SDC3: variants seen among roughly 807,000 people sequenced by gnomAD.
The protein encoded by SDC3 is syndecan 3.
In SDC3, 13 loss-of-function variants were observed where a neutral mutation model predicts 24.4. The observed-to-expected ratio is 0.53, with a 90% CI of 0.35 to 0.85. The LOEUF (loss-of-function observed/expected upper bound fraction) is 0.85, where lower values mean the gene tolerates loss of function less well. SDC3 is among the 40% of genes least tolerant of loss of function. The pLI, the probability that SDC3 is intolerant of heterozygous loss-of-function variation, is 0.01. For missense variants in SDC3, 571 were observed against 584.5 expected (o/e 0.98, Z 0.24); for synonymous variants, 295 against 260.9 (o/e 1.13, Z -1.26).
intron 2 of SDC3, chr1:30,878,132 A>G: frequency 6.5e-6 from 1 of 154,110 alleles, no homozygotes; most frequent in Non-Finnish European, 1.4e-5. Context: ...GAGGGGGAGC[A>G]CCGAGGGGCA....
chr1:30,905,381 ACAC>A (rs1408100867), intron 1 of SDC3, among the ~76,000 whole-genome samples: 1 of 133,242 alleles, frequency 7.5e-6, no homozygotes, highest in Non-Finnish European at 1.6e-5. Context: ...ACACACACAC[ACAC>A]ACACGTCTCC....
chr1:30,899,187 A>G (rs1166497416), intron 1 of SDC3, among the ~76,000 whole-genome samples: 1 of 152,194 alleles, frequency 6.6e-6, no homozygotes, highest in Non-Finnish European at 1.5e-5. Flanking sequence ...CCCAGGATCA[A>G]GCAATTCTCC....
chr1:30,878,378 T>C (rs2124314005), intron 2 of SDC3: 1 of 446,594 alleles, frequency 2.2e-6, no homozygotes, highest in Non-Finnish European at 4.1e-6. Flanking sequence ...CACACAAAGA[T>C]GCAGACGTGG....
At chr1:30,897,484 C>A (rs1038481090) in intron 1 of SDC3, among the ~76,000 whole-genome samples, 1 of 152,166 alleles carries the variant, frequency 6.6e-6, no homozygotes. Flanking sequence ...TGCCCATAGC[C>A]CCATACAGAC....
At chr1:30,903,760 G>A (rs894862143) in intron 1 of SDC3, among the ~76,000 whole-genome samples, 1 of 152,192 alleles carries the variant, frequency 6.6e-6, no homozygotes, top group Non-Finnish European at 1.5e-5. Context: ...AGGCCCCAGA[G>A]AGGTAAAGCA....
chr1:30,876,307 C>T (rs534594861), intron 3 of SDC3, among the ~76,000 whole-genome samples: 3 of 152,114 alleles, frequency 2.0e-5, no homozygotes, highest in African/African-American at 4.8e-5. Flanking sequence ...CCAATGCACA[C>T]GTTCACCCAA....
Position 30,873,029 on chromosome 1 carries a change from G to T in SDC3, c.*182C>A. ...AGGGCACAGTCTGGGGCAGATGGCA[G>T]CAGCCCCTCTTCCTCGGGGAAGATC... On this transcript the variant is annotated 3_prime_UTR_variant, in exon 5 of 5. Coordinates refer to ENST00000339394, the MANE Select transcript of SDC3 (RefSeq NM_014654.4). 1 of 617,516 alleles carries T rather than the reference G, an allele frequency of 1.6e-6. No homozygotes were observed. Among genetic ancestry groups the T allele is most frequent in the South Asian group, 1.9e-5 (1 of 52,148 alleles). The allele number at this position is 617,516 out of a possible 1,614,324, so 38.3% of individuals were successfully genotyped here. A position where few individuals can be genotyped will look rare whatever the true frequency, so the allele number is the denominator to read the frequency against.
intron 1 of SDC3, among the ~76,000 whole-genome samples, chr1:30,895,559 C>G (rs962570953): frequency 2.0e-5 from 3 of 152,246 alleles, no homozygotes; most frequent in Admixed American, 2.0e-4. Flanking sequence ...ATCTGAACAG[C>G]AAGGCCAGGG....
Position 30,869,546 on chromosome 1 carries a change from A to C in SDC3, c.*3665T>G, listed in dbSNP as rs905816559. 1.8e-4 allele frequency: 71 copies of C among 390,516 alleles called. No homozygotes were observed. The highest frequency in any genetic ancestry group is 6.4e-4 in the African/African-American group (31 of 48,260). 24.2% of individuals were successfully genotyped at this position (390,516 alleles called of 1,614,324 possible). On this transcript the variant is annotated 3_prime_UTR_variant, in exon 5 of 5. Coordinates refer to ENST00000339394, the MANE Select transcript of SDC3 (RefSeq NM_014654.4). ...AAAAAAACAAACAAACAAAAAAAAA[A>C]AAAAAAAAAAAAAAACAAAAACAAA...
intron 1 of SDC3, among the ~76,000 whole-genome samples, chr1:30,894,266 TGG>T (rs1639953567): frequency 8.8e-6 from 1 of 114,130 alleles, no homozygotes; most frequent in Admixed American, 8.9e-5. Flanking sequence ...TGTGTGTGTG[TGG>T]GTGAGTGTGT....
chr1:30,884,634 C>T (rs1365981188), intron 1 of SDC3, among the ~76,000 whole-genome samples: 2 of 152,180 alleles, frequency 1.3e-5, no homozygotes, highest in Non-Finnish European at 2.9e-5. Context: ...AGGTAGCAGC[C>T]CTGGCTCAGG....
intron 1 of SDC3, among the ~76,000 whole-genome samples, chr1:30,892,510 A>C (rs1422785475): frequency 6.6e-6 from 1 of 152,242 alleles, no homozygotes; most frequent in Admixed American, 6.5e-5. Flanking sequence ...GCTCTGCAGT[A>C]GACAGTGCTT....
At chr1:30,878,092 C>A (rs1639679398) in intron 2 of SDC3, 1 of 152,902 alleles carries the variant, frequency 6.5e-6, no homozygotes, top group East Asian at 1.9e-4. Flanking sequence ...TATTTCTCAC[C>A]ATCCACAGGT....
chr1:30,883,609 G>T (rs541418499), intron 1 of SDC3, among the ~76,000 whole-genome samples: 2 of 152,140 alleles, frequency 1.3e-5, no homozygotes, highest in Middle Eastern at 3.2e-3. Context: ...AGTCGGAGCC[G>T]TATAAGGCTT....
chr1:30,884,373 C>T (rs1354722076), intron 1 of SDC3, among the ~76,000 whole-genome samples: 1 of 152,256 alleles, frequency 6.6e-6, no homozygotes, highest in Middle Eastern at 3.4e-3. Flanking sequence ...TATCCCCACC[C>T]CCTACTCCCA....
intron 1 of SDC3, among the ~76,000 whole-genome samples, chr1:30,892,353 G>C (rs1011457689): frequency 1.3e-4 from 20 of 152,142 alleles, no homozygotes; most frequent in African/African-American, 4.6e-4. Flanking sequence ...TAGGGACCTA[G>C]TCACACCAGC....
At chr1:30,884,051 T>G (rs10798815) in intron 1 of SDC3, among the ~76,000 whole-genome samples, 34,023 of 151,892 alleles carry the variant, frequency 0.22, 5,617 homozygotes, top group East Asian at 0.58. Flanking sequence ...GCTGCACAAT[T>G]GGGAGCCGGG....
intron 1 of SDC3, among the ~76,000 whole-genome samples, chr1:30,889,354 G>C (rs1301757095): frequency 6.6e-6 from 1 of 152,188 alleles, no homozygotes; most frequent in East Asian, 1.9e-4. Context: ...ATATGGCCCA[G>C]AGGGTCATAA....
chr1:30,907,871 TG>T (rs897381545), intron 1 of SDC3, among the ~76,000 whole-genome samples: 2 of 151,986 alleles, frequency 1.3e-5, no homozygotes, highest in African/African-American at 4.8e-5. Flanking sequence ...GCCGCGACCC[TG>T]GGAAGAACCA....
Sources: gnomAD v4.1 joint callset for allele counts (sites outside exome capture counted in the v4.1 genomes callset) on GRCh38, gnomAD v4.1.1 for gene constraint, MANE v1.5 for transcripts, NCBI Gene and HGNC (gene_info 2026-07-23, HGNC 2026-07-21) for gene names.